The following CCDC25 variants were observed in gnomAD, a reference collection of about 807,000 sequenced individuals.
The protein encoded by CCDC25 is coiled-coil domain-containing protein 25.
Under a neutral mutation model 35.3 loss-of-function variants are expected in CCDC25, and 16 were observed. The observed-to-expected ratio is 0.45, with a 90% CI of 0.31 to 0.69. CCDC25 has a LOEUF of 0.69. Among genes scored for constraint, CCDC25 ranks in the 30% least tolerant of loss-of-function variants. The pLI is 0.06. For missense variants in CCDC25, 179 were observed against 250.7 expected (o/e 0.71, Z 1.93); for synonymous variants, 79 against 80.3 (o/e 0.98, Z 0.09).
intron 7 of CCDC25, 46 bp downstream of exon 7, chr8:27,748,031 G>A (rs2128938927): frequency 1.3e-6 from 2 of 1,557,836 alleles, no homozygotes; most frequent in Non-Finnish European, 1.8e-6. Flanking sequence ...AAAATCATCA[G>A]GGAATAATCT....
At chr8:27,743,623 G>T (rs1803510115) in intron 7 of CCDC25, among the ~76,000 whole-genome samples, 1 of 152,234 alleles carries the variant, frequency 6.6e-6, no homozygotes, top group Non-Finnish European at 1.5e-5. Context: ...GACAAGTGTG[G>T]TGGCTTATGC....
chr8:27,748,102 T>C lies in CCDC25; in HGVS notation c.526A>G (p.Lys176Glu), dbSNP rs1803666219. The C allele has an allele frequency of 6.2e-7, 1 of 1,612,066 alleles. No homozygotes were observed. The highest frequency in any genetic ancestry group is 1.3e-5 in the African/African-American group (1 of 74,846). The part of the protein sequence containing the change: ...MKKREKEEMK[K>E]KREMDELRSY... The stretch of plus-strand genomic sequence containing the variant: ...CTAAGTTCATCCATTTCCCTCTTCT[T>C]CTTCATTTCTTCTTTTTCTCTCTTT... The change falls in exon 7 of 9, where the codon AAG (lysine) becomes GAG (glutamate). Residue 176 changes from lysine to glutamate, a missense_variant. Physicochemically the swap from Lys to Glu is moderately conservative, Grantham distance 56. Transcript: ENST00000356537.
rs1301915950 is a variant in CCDC25 at position 27,748,696 on chromosome 8, G to A, written c.245-98C>T. On this transcript the variant is annotated intron_variant, in intron 5 of 8. Transcript: ENST00000356537. ...ACTGCCATAAGCCAACAAGGGAAAC[G>A]GCTTAGAACGAACAGGCCACCCCTT... 11 of 853,060 alleles carry A rather than the reference G, an allele frequency of 1.3e-5. No individual in the cohort carries two copies. In the East Asian group the frequency reaches 1.5e-4, roughly 11 times the overall value. The allele number at this position is 853,060 out of a possible 1,614,324, so 52.8% of individuals were successfully genotyped here. A position where few individuals can be genotyped will look rare whatever the true frequency, so the allele number is the denominator to read the frequency against.
At chr8:27,748,338 G>T in intron 6 of CCDC25, 59 bp from the exon 7 acceptor site, 1 of 1,501,972 alleles carries the variant, frequency 6.7e-7, no homozygotes, top group South Asian at 1.2e-5. Flanking sequence ...TCCCAGAAGA[G>T]GGATGAGGCT....
At position 27,772,543 on chromosome 8, in the gene CCDC25, T is replaced by C. The variant is rs931984555; in HGVS notation, c.-3A>G. ...CTGCTGGTGAAGTAGAACACCATGATCCCGGGAGCGGTGCGGTGACTCCAC... is the reference window on the plus strand; with the variant it reads ...CTGCTGGTGAAGTAGAACACCATGACCCCGGGAGCGGTGCGGTGACTCCAC... On this transcript the variant is annotated 5_prime_UTR_variant, in exon 1 of 9. Transcript: ENST00000356537. 6.5e-6 allele frequency: 10 copies of C among 1,549,318 alleles called. No homozygotes were observed. The highest frequency in any genetic ancestry group is 4.9e-5 in the East Asian group (2 of 40,916).
intron 2 of CCDC25, among the ~76,000 whole-genome samples, chr8:27,763,424 A>C (rs1804292382): frequency 1.3e-5 from 2 of 152,250 alleles, no homozygotes; most frequent in Admixed American, 1.3e-4. Flanking sequence ...CCAATTTAAA[A>C]ATCATAAACA....
chr8:27,763,611 G>T (rs1804300607), intron 2 of CCDC25, among the ~76,000 whole-genome samples: 1 of 152,126 alleles, frequency 6.6e-6, no homozygotes, highest in Admixed American at 6.5e-5. Context: ...CCAGCCACTC[G>T]GGAGGCTGAG....
chr8:27,743,518 G>C (rs1803508223), intron 7 of CCDC25, among the ~76,000 whole-genome samples: 1 of 152,238 alleles, frequency 6.6e-6, no homozygotes, highest in African/African-American at 2.4e-5. Flanking sequence ...CCCATACAAG[G>C]TCTTTGCATA....
intron 3 of CCDC25, among the ~76,000 whole-genome samples, chr8:27,756,982 G>A (rs1374494303): frequency 3.3e-5 from 5 of 152,192 alleles, no homozygotes; most frequent in Admixed American, 1.3e-4. Context: ...GGAGCTGTGA[G>A]TAAGTGCCAA....
intron 7 of CCDC25, among the ~76,000 whole-genome samples, chr8:27,742,663 G>A (rs896292656): frequency 2.6e-5 from 4 of 152,164 alleles, no homozygotes; most frequent in African/African-American, 4.8e-5. Context: ...TCAGGAGTTC[G>A]AGGCCAGCCT....
intron 3 of CCDC25, among the ~76,000 whole-genome samples, chr8:27,758,427 T>G (rs1804093715): frequency 6.6e-6 from 1 of 152,210 alleles, no homozygotes; most frequent in Non-Finnish European, 1.5e-5. Flanking sequence ...GGTTTTACTC[T>G]TAATCATTAG....
chr8:27,759,764 A>C, intron 3 of CCDC25, among the ~76,000 whole-genome samples: 1 of 118,980 alleles, frequency 8.4e-6, no homozygotes, highest in Non-Finnish European at 1.8e-5. Context: ...TGGGTGACAG[A>C]GCAAGACTCT....
chr8:27,757,467 G>A (rs970552293), intron 3 of CCDC25, among the ~76,000 whole-genome samples: 1 of 152,076 alleles, frequency 6.6e-6, no homozygotes, highest in African/African-American at 2.4e-5. Context: ...TATGTCTCTT[G>A]GGTGAGCACT....
At chr8:27,758,320 T>C (rs1804088786) in intron 3 of CCDC25, among the ~76,000 whole-genome samples, 1 of 152,224 alleles carries the variant, frequency 6.6e-6, no homozygotes, top group Non-Finnish European at 1.5e-5. Context: ...TGATTCTATA[T>C]AAAAGTGCCC....
Position 27,756,702 on chromosome 8 carries a change from T to C in CCDC25, c.168+17A>G. 6.3e-7 allele frequency: 1 copy of C among 1,578,562 alleles called. No individual in the cohort carries two copies. The highest frequency in any genetic ancestry group is 8.7e-7 in the Non-Finnish European group (1 of 1,147,694). ...CATCAGGAGAAAAGTCAAGAATCCA[T>C]GTTTAAATTCAGTTACCTTATGTAA... On this transcript the variant is annotated intron_variant, in intron 4 of 8. Coordinates refer to ENST00000356537, the MANE Select transcript of CCDC25 (RefSeq NM_018246.3).
intron 8 of CCDC25, among the ~76,000 whole-genome samples, chr8:27,739,878 G>A (rs1391692025): frequency 1.3e-5 from 2 of 152,122 alleles, no homozygotes; most frequent in Admixed American, 1.3e-4. Flanking sequence ...GGGAAAGACA[G>A]CCCTCAAGGA....
rs1321099942 is a variant in CCDC25, at chr8:27,746,021, CTG to C, written c.551+2054_551+2055del. ...GGAAAAAAGCCCAGAAGATACGAAA[CTG>C]TGTTTTGGTGGACAAATTTTGTTTA... On this transcript the variant is annotated intron_variant, in intron 7 of 8. Transcript: ENST00000356537. Among the ~76,000 whole-genome samples the C allele has an allele frequency of 3.3e-5, 5 of 152,134 alleles. 1 individual carries two copies. The South Asian group carries it at 1.0e-3, about 31-fold the overall frequency.
chr8:27,750,078 C>G (rs1803742368), intron 5 of CCDC25, among the ~76,000 whole-genome samples: 1 of 152,186 alleles, frequency 6.6e-6, no homozygotes, highest in South Asian at 2.1e-4. Context: ...GACAATGAAT[C>G]TTGCTCTCCA....
chr8:27,763,180 G>C (rs1158347638), intron 2 of CCDC25, among the ~76,000 whole-genome samples: 1 of 151,996 alleles, frequency 6.6e-6, no homozygotes, highest in Non-Finnish European at 1.5e-5. Flanking sequence ...GTTGGCCCTT[G>C]GTTTGTTTCT....
Sources: gnomAD v4.1 joint callset for allele counts (sites outside exome capture counted in the v4.1 genomes callset) on GRCh38, gnomAD v4.1.1 for gene constraint, MANE v1.5 for transcripts, NCBI Gene and HGNC (gene_info 2026-07-23, HGNC 2026-07-21) for gene names.